Variants in DPYSL5 observed in about 807,000 individuals in gnomAD.
DPYSL5 encodes the protein dihydropyrimidinase like 5, also known as dihydropyrimidinase-related protein 5.
DPYSL5 carries 9 observed loss-of-function variants against 58.4 expected under a neutral mutation model. The ratio of observed to expected loss-of-function variants is 0.15; its 90% CI spans 0.09 to 0.27. DPYSL5 has a LOEUF of 0.27. DPYSL5 is among the 10% of genes least tolerant of loss of function. The pLI, the probability that DPYSL5 is intolerant of heterozygous loss-of-function variation, is 1.00. For synonymous variants in DPYSL5, 293 were observed against 301.9 expected (o/e 0.97, Z 0.31); for missense variants, 499 against 770.6 (o/e 0.65, Z 4.17).
At chr2:26,879,700 C>T (rs1482921227) in intron 1 of DPYSL5, among the ~76,000 whole-genome samples, 3 of 152,300 alleles carry the variant, frequency 2.0e-5, no homozygotes, top group Admixed American at 6.5e-5. Flanking sequence ...TCTCCTCCAC[C>T]TCATTACCTT....
In DPYSL5 at chr2:26,944,593, G is replaced by A. The variant is rs947687201; in HGVS notation, c.1441-63G>A. 5.1e-6 allele frequency: 8 copies of A among 1,567,160 alleles called. No individual in the cohort carries two copies. The Admixed American group carries it at 1.4e-4, about 28-fold the overall frequency. Reference sequence around the variant, plus strand: ...CCCACCGGCCCCCAGGGAGGCCATGGTTGTATCACTCAGCTCTGATGGTGT... The same window carrying A: ...CCCACCGGCCCCCAGGGAGGCCATGATTGTATCACTCAGCTCTGATGGTGT... On this transcript the variant is annotated intron_variant, in intron 11 of 12. Transcript: ENST00000288699. This position sits in a 1 kb window ranked among gnomAD's most constrained non-coding sequence, Gnocchi z 4.4.
At chr2:26,892,430 C>T (rs940723450) in intron 1 of DPYSL5, among the ~76,000 whole-genome samples, 6 of 152,178 alleles carry the variant, frequency 3.9e-5, no homozygotes, top group East Asian at 3.8e-4. Context: ...GCATGTGTTA[C>T]GAGCATGTAA....
intron 2 of DPYSL5, among the ~76,000 whole-genome samples, chr2:26,911,905 G>C (rs969913421): frequency 6.6e-6 from 1 of 152,194 alleles, no homozygotes; most frequent in Non-Finnish European, 1.5e-5. Context: ...CCTAGACTTA[G>C]TGGCCATCAA....
chr2:26,921,608 G>A (rs1664705948), intron 2 of DPYSL5, among the ~76,000 whole-genome samples: 1 of 152,150 alleles, frequency 6.6e-6, no homozygotes, highest in Non-Finnish European at 1.5e-5. Flanking sequence ...GGGTTGGAAT[G>A]GTACATATTC....
At chr2:26,902,936 A>G (rs140805534) in intron 2 of DPYSL5, among the ~76,000 whole-genome samples, 1 of 151,950 alleles carries the variant, frequency 6.6e-6, no homozygotes, top group Non-Finnish European at 1.5e-5. Flanking sequence ...TAGATGGTCT[A>G]AAAAAAAGGA....
chr2:26,913,045 C>T (rs898574772), intron 2 of DPYSL5, among the ~76,000 whole-genome samples: 5 of 152,142 alleles, frequency 3.3e-5, no homozygotes, highest in Non-Finnish European at 7.4e-5. Flanking sequence ...AGGAGTAACC[C>T]CTCCCCTAGA....
Position 26,924,807 on chromosome 2 carries a change from C to A in DPYSL5, c.262-80C>A. 3 of 1,526,430 alleles carry A rather than the reference C, an allele frequency of 2.0e-6. No homozygotes were observed. Among genetic ancestry groups the A allele is most frequent in the Non-Finnish European group, 2.6e-6 (3 of 1,132,424 alleles). The allele number at this position is 1,526,430 out of a possible 1,614,324, so 94.6% of individuals were successfully genotyped here. A position where few individuals can be genotyped will look rare whatever the true frequency, so the allele number is the denominator to read the frequency against. The stretch of plus-strand genomic sequence containing the variant: ...AGGCAGGGCCTGTCTTTGAATGGAC[C>A]ATGAGGACCATGTCTCACCACATCA... On this transcript the variant is annotated intron_variant, in intron 2 of 12. Transcript: ENST00000288699. This position sits in a 1 kb window ranked among gnomAD's most constrained non-coding sequence, Gnocchi z 4.7.
At position 26,944,665 on chromosome 2, in the gene DPYSL5, G is replaced by A. The variant is rs1049532272; in HGVS notation, c.1450G>A (p.Val484Ile). The change falls in exon 12 of 13, where the codon GTT becomes ATT. Residue 484 changes from valine (V) to isoleucine (I), a missense_variant. By Grantham distance (29) the Val-to-Ile change is conservative (BLOSUM62 3). Around this residue, in one of 3 missense-constraint regions of DPYSL5, gnomAD observed 62 missense variants for 59.2 expected, o/e 1.05. Coordinates refer to ENST00000288699, the MANE Select transcript of DPYSL5 (RefSeq NM_020134.4). This position sits in a 1 kb window ranked among gnomAD's most constrained non-coding sequence, Gnocchi z 4.4. Reference protein sequence around the residue: ...KLVQREKTLKVRGVDRTPYLG... With the variant: ...KLVQREKTLKIRGVDRTPYLG... ...TTCCATCCTTCCCTAGACTTTAAAG[G>A]TTAGAGGAGTGGACCGCACTCCCTA... is the stretch of plus-strand genomic sequence containing the variant. 1 of 1,613,836 alleles carries A rather than the reference G, an allele frequency of 6.2e-7. No homozygotes were observed. The highest frequency in any genetic ancestry group is 1.1e-5 in the South Asian group (1 of 91,052).
chr2:26,939,651 A>C (rs566666860), intron 8 of DPYSL5: 1 of 182,186 alleles, frequency 5.5e-6, no homozygotes, highest in African/African-American at 2.3e-5. Context: ...TGTTGCCAGC[A>C]GGTTGGGGTT....
At chr2:26,867,745 G>T (rs2148114837) in intron 1 of DPYSL5, among the ~76,000 whole-genome samples, 1 of 152,264 alleles carries the variant, frequency 6.6e-6, no homozygotes. Flanking sequence ...GTGAGCCACC[G>T]CGCCCGGCCC....
intron 2 of DPYSL5, among the ~76,000 whole-genome samples, chr2:26,913,892 C>T (rs1310518816): frequency 1.3e-5 from 2 of 151,114 alleles, no homozygotes; most frequent in African/African-American, 2.4e-5. Flanking sequence ...CCATAAAAAC[C>T]ATGCATGCTT....
chr2:26,890,936 A>T (rs1414957497), intron 1 of DPYSL5, among the ~76,000 whole-genome samples: 1 of 152,164 alleles, frequency 6.6e-6, no homozygotes, highest in African/African-American at 2.4e-5. Context: ...GCCCTGCCCT[A>T]TGACCTCATT....
chr2:26,858,059 T>G (rs1665921276), intron 1 of DPYSL5, among the ~76,000 whole-genome samples: 1 of 152,236 alleles, frequency 6.6e-6, no homozygotes, highest in Non-Finnish European at 1.5e-5. Flanking sequence ...TTTTGCCTTA[T>G]GTGATCCATT....
chr2:26,921,021 T>G (rs548208079), intron 2 of DPYSL5, among the ~76,000 whole-genome samples: 2 of 152,356 alleles, frequency 1.3e-5, no homozygotes, highest in African/African-American at 4.8e-5. Context: ...TTGTATTGTT[T>G]GTATTATAAC....
rs775738245 is a variant in DPYSL5, at chr2:26,927,205, C to G, written c.421-48C>G. On this transcript the variant is annotated intron_variant, in intron 3 of 12. Transcript: ENST00000288699. The surrounding 1 kb of genome is among the most constrained non-coding windows in gnomAD (Gnocchi z 4.3). ...TGGGCCGGTGCCTGCCAGTCGGCCT[C>G]TTGGGTGTCTGCCCTCACGCAGCAT... is the stretch of plus-strand genomic sequence containing the variant. The G allele has an allele frequency of 5.1e-6, 8 of 1,570,592 alleles. No individual in the cohort carries two copies. Among genetic ancestry groups the G allele is most frequent in the Non-Finnish European group, 6.1e-6 (7 of 1,154,348 alleles).
chr2:26,924,824 A>G lies in DPYSL5; in HGVS notation c.262-63A>G. ...GAATGGACCATGAGGACCATGTCTCACCACATCATTGACTCGGGGGCAGGC... is the reference window on the plus strand; with the variant it reads ...GAATGGACCATGAGGACCATGTCTCGCCACATCATTGACTCGGGGGCAGGC... On this transcript the variant is annotated intron_variant, in intron 2 of 12. Transcript: ENST00000288699. This position sits in a 1 kb window ranked among gnomAD's most constrained non-coding sequence, Gnocchi z 4.7. The G allele has an allele frequency of 6.4e-7, 1 of 1,569,242 alleles. No individual in the cohort carries two copies. The highest frequency in any genetic ancestry group is 1.2e-5 in the South Asian group (1 of 82,138).
intron 8 of DPYSL5, 34 bp from the exon 9 acceptor site, chr2:26,939,997 T>C (rs753355063): frequency 1.4e-5 from 22 of 1,613,218 alleles, no homozygotes; most frequent in Admixed American, 1.0e-4. Flanking sequence ...TCACCTCCCC[T>C]CCCCTTACTG....
chr2:26,889,837 C>G (rs531798702), intron 1 of DPYSL5, among the ~76,000 whole-genome samples: 8 of 152,330 alleles, frequency 5.3e-5, no homozygotes, highest in African/African-American at 1.9e-4. Context: ...TGTGCACACA[C>G]AGACAGCCTG....
In DPYSL5 at chr2:26,925,078, A is replaced by G; in HGVS notation, c.420+33A>G. On this transcript the variant is annotated intron_variant, in intron 3 of 12. Coordinates refer to ENST00000288699, the MANE Select transcript of DPYSL5 (RefSeq NM_020134.4). This position sits in a 1 kb window ranked among gnomAD's most constrained non-coding sequence, Gnocchi z 4.5. The stretch of plus-strand genomic sequence containing the variant: ...TGCTGGTGGGATCCCAGAAGAAGGC[A>G]CAAGTGGTCTTGTAGGCAGAGGGGC... The G allele has an allele frequency of 6.2e-7, 1 of 1,608,570 alleles. No individual in the cohort carries two copies. Among genetic ancestry groups the G allele is most frequent in the Non-Finnish European group, 8.5e-7 (1 of 1,176,732 alleles).
Sources: allele counts gnomAD v4.1 joint callset (sites outside exome capture counted in the v4.1 genomes callset), GRCh38; gene constraint gnomAD v4.1.1; regional missense constraint gnomAD v4.1.1; non-coding constraint Gnocchi (gnomAD v3.1); transcripts MANE v1.5; gene names NCBI Gene and HGNC (gene_info 2026-07-23, HGNC 2026-07-21).